The following LAMA1 variants were observed in gnomAD, a reference collection of about 807,000 sequenced individuals.
The protein encoded by LAMA1 is laminin subunit alpha 1.
LAMA1 carries 219 observed loss-of-function variants against 348.7 expected under a neutral mutation model. The observed-to-expected ratio is 0.63, with a 90% CI of 0.56 to 0.70. The LOEUF (loss-of-function observed/expected upper bound fraction) is 0.70. Ranked by LOEUF, LAMA1 falls within the 30% of genes least tolerant of loss-of-function variation. The pLI is 0.00. For missense variants in LAMA1, 3,744 were observed against 3,888.0 expected (o/e 0.96, Z 0.99); for synonymous variants, 1,487 against 1,491.0 (o/e 1.00, Z 0.06).
Position 6,995,439 on chromosome 18 carries a change from A to G in LAMA1, c.4814T>C (p.Leu1605Ser). 6.3e-7 allele frequency: 1 copy of G among 1,582,650 alleles called. No homozygotes were observed. ...ENTTKYLQESLLKENMQKDLG... is the reference protein window; with the variant it reads ...ENTTKYLQESSLKENMQKDLG... ...GTCCTTTTGCATATTTTCTTTTAATAAAGATTCCTAGGAAGAATGGAGGAA... is the reference window on the plus strand; with the variant it reads ...GTCCTTTTGCATATTTTCTTTTAATGAAGATTCCTAGGAAGAATGGAGGAA... Residue 1605 changes from leucine to serine, a missense_variant, in exon 34 of 63, where the codon TTA becomes TCA. By Grantham distance (145) the Leu-to-Ser change is moderately radical. This residue lies in a region of LAMA1 where 1,983 missense variants were observed against 1,934.3 expected (regional missense o/e 1.03). Transcript: ENST00000389658.
chr18:7,028,554 GGAGA>G (rs1250536489), intron 16 of LAMA1, among the ~76,000 whole-genome samples: 1 of 152,236 alleles, frequency 6.6e-6, no homozygotes, highest in Non-Finnish European at 1.5e-5. Context: ...TTCAGATAAA[GGAGA>G]GTTAAGAGAA....
chr18:7,045,899 A>G (rs1489260141), intron 6 of LAMA1, among the ~76,000 whole-genome samples: 3 of 152,182 alleles, frequency 2.0e-5, no homozygotes, highest in Admixed American at 6.5e-5. Context: ...AAGGGGAGAA[A>G]ATAGGAAGAG....
intron 46 of LAMA1, among the ~76,000 whole-genome samples, chr18:6,974,132 C>G (rs933069998): frequency 3.3e-5 from 5 of 152,172 alleles, no homozygotes; most frequent in African/African-American, 9.6e-5. Context: ...TAAAGGTAAC[C>G]TAAGCTTTTC....
At chr18:7,090,927 T>C (rs2058237475) in intron 1 of LAMA1, among the ~76,000 whole-genome samples, 1 of 152,190 alleles carries the variant, frequency 6.6e-6, no homozygotes, top group Non-Finnish European at 1.5e-5. Flanking sequence ...TCCATTTCCC[T>C]AGCAATGTGC....
chr18:6,945,844 A>G (rs2057519160), intron 61 of LAMA1, among the ~76,000 whole-genome samples: 1 of 152,116 alleles, frequency 6.6e-6, no homozygotes, highest in African/African-American at 2.4e-5. Flanking sequence ...GGCTGCCCTG[A>G]AGACCACGAT....
In LAMA1 at chr18:7,005,425, C is replaced by G. The variant is rs544634540; in HGVS notation, c.4260+1714G>C. Among the ~76,000 whole-genome samples, 19 of 152,284 alleles carry G rather than the reference C, an allele frequency of 1.2e-4. No individual in the cohort carries two copies. The East Asian group carries it at 3.3e-3, about 26-fold the overall frequency. ...TGTAAAATGTACACTAAATTACTGC[C>G]TGGCATGGCTGCTATAGTTCAGACT... is the stretch of plus-strand genomic sequence containing the variant. On this transcript the variant is annotated intron_variant, in intron 29 of 62. Coordinates refer to ENST00000389658, the MANE Select transcript of LAMA1 (RefSeq NM_005559.4).
At chr18:7,090,304 G>GTT (rs2058234551) in intron 1 of LAMA1, among the ~76,000 whole-genome samples, 1 of 152,180 alleles carries the variant, frequency 6.6e-6, no homozygotes, top group Admixed American at 6.5e-5. Flanking sequence ...AGTCTTGCCT[G>GTT]TTTAATGTAA....
intron 13 of LAMA1, 49 bp downstream of exon 13, chr18:7,035,938 G>T (rs1446661610): frequency 2.8e-6 from 4 of 1,443,112 alleles, no homozygotes; most frequent in Non-Finnish European, 9.7e-7. Flanking sequence ...TAAACTATCA[G>T]CCCACTAAGC....
intron 21 of LAMA1, 132 bp downstream of exon 21, chr18:7,016,359 G>C: frequency 1.0e-6 from 1 of 994,764 alleles, no homozygotes; most frequent in African/African-American, 1.6e-5. Context: ...CCAGAAAAAA[G>C]GTATGAAATC....
At chr18:6,961,019 T>A (rs943055190) in intron 53 of LAMA1, among the ~76,000 whole-genome samples, 2 of 152,216 alleles carry the variant, frequency 1.3e-5, no homozygotes, top group Non-Finnish European at 2.9e-5. Flanking sequence ...TAAAGTCTCT[T>A]CAAATTATGT....
At chr18:6,974,403 T>C (rs753237181) in intron 46 of LAMA1, among the ~76,000 whole-genome samples, 6 of 151,942 alleles carry the variant, frequency 3.9e-5, no homozygotes, top group Non-Finnish European at 5.9e-5. Context: ...AATACTATTA[T>C]TCAGCCTTAA....
intron 3 of LAMA1, among the ~76,000 whole-genome samples, chr18:7,068,209 C>T (rs1246483312): frequency 6.6e-6 from 1 of 152,098 alleles, no homozygotes; most frequent in African/African-American, 2.4e-5. Context: ...TGTGCACCCC[C>T]GGTCCCTGCA....
intron 27 of LAMA1, 22 bp from the exon 28 acceptor site, chr18:7,008,630 A>G (rs542624771): frequency 6.2e-7 from 1 of 1,613,406 alleles, no homozygotes; most frequent in East Asian, 2.2e-5. Context: ...TCATGTTAAG[A>G]GAGGAAACGC....
At chr18:7,077,711 A>G (rs574481271) in intron 3 of LAMA1, among the ~76,000 whole-genome samples, 2 of 152,270 alleles carry the variant, frequency 1.3e-5, no homozygotes, top group East Asian at 3.9e-4. Context: ...CACATTCTTA[A>G]TAATGAACAC....
In LAMA1 at chr18:7,032,076, C is replaced by A. The variant is rs1217758980; in HGVS notation, c.2264G>T (p.Gly755Val). ...HGHAAECNVH[G>V]VCIACAHNTT... Reference sequence around the variant, plus strand: ...CAGTGAGAGACTCACAATGCAAACGCCGTGAACATTACACTCAGCTGCATG... The same window carrying A: ...CAGTGAGAGACTCACAATGCAAACGACGTGAACATTACACTCAGCTGCATG... The change falls in exon 16 of 63, where the codon GGC (glycine) becomes GTC (valine). Residue 755 changes from glycine to valine, a missense_variant. This residue lies in a region of LAMA1 where 1,529 missense variants were observed against 1,689.4 expected (regional missense o/e 0.91). Coordinates refer to ENST00000389658, the MANE Select transcript of LAMA1 (RefSeq NM_005559.4). The A allele has an allele frequency of 1.9e-6, 3 of 1,613,962 alleles. No homozygotes were observed. Among genetic ancestry groups the A allele is most frequent in the Admixed American group, 1.7e-5 (1 of 60,026 alleles).
At position 6,947,368 on chromosome 18, in the gene LAMA1, C is replaced by T. The variant is rs2057526831; in HGVS notation, c.8711-72G>A. ...CCAGGTTGAGCATTTGGCCTCCTGGCTAGGGGTTGGGGGACCTGGCTCTAG... is the reference window on the plus strand; with the variant it reads ...CCAGGTTGAGCATTTGGCCTCCTGGTTAGGGGTTGGGGGACCTGGCTCTAG... On this transcript the variant is annotated intron_variant, in intron 60 of 62. Coordinates refer to ENST00000389658, the MANE Select transcript of LAMA1 (RefSeq NM_005559.4). 4 of 1,598,182 alleles carry T rather than the reference C, an allele frequency of 2.5e-6. No homozygotes were observed. In the South Asian group the frequency reaches 4.5e-5, roughly 18 times the overall value.
intron 56 of LAMA1, chr18:6,955,926 A>G: frequency 3.0e-6 from 1 of 329,742 alleles, no homozygotes; most frequent in Non-Finnish European, 5.9e-6. Flanking sequence ...GTCCACACTG[A>G]CAGGGCAGGA....
intron 46 of LAMA1, among the ~76,000 whole-genome samples, chr18:6,974,093 A>G (rs1217385455): frequency 6.6e-6 from 1 of 152,076 alleles, no homozygotes; most frequent in African/African-American, 2.4e-5. Flanking sequence ...TCCAAAGGTA[A>G]CCTAAACTTT....
At chr18:7,117,351 T>G (rs1449676926) in intron 1 of LAMA1, among the ~76,000 whole-genome samples, 1 of 150,144 alleles carries the variant, frequency 6.7e-6, no homozygotes, top group South Asian at 2.1e-4. Context: ...CCAGCACTGC[T>G]CGCGTAGATG....
Sources: allele counts gnomAD v4.1 joint callset (sites outside exome capture counted in the v4.1 genomes callset), GRCh38; gene constraint gnomAD v4.1.1; regional missense constraint gnomAD v4.1.1; transcripts MANE v1.5; gene names NCBI Gene and HGNC (gene_info 2026-07-23, HGNC 2026-07-21).